POGLUT3: variants seen among roughly 807,000 people sequenced by gnomAD.
POGLUT3 encodes protein O-glucosyltransferase 3.
A neutral mutation model predicts 54.3 loss-of-function variants in POGLUT3; 48 were observed. The observed-to-expected ratio is 0.88, with a 90% CI of 0.70 to 1.12. POGLUT3 has a LOEUF of 1.12. Among genes scored for constraint, POGLUT3 ranks in the 50% most tolerant of loss-of-function variants. POGLUT3 has a pLI of 0.00. For missense variants in POGLUT3, 629 were observed against 618.7 expected, an observed-to-expected ratio of 1.02 and a Z score of -0.18; for synonymous variants, 218 against 237.4, an observed-to-expected ratio of 0.92 and a Z score of 0.75.
chr11:108,486,446 G>A lies in POGLUT3; in HGVS notation c.401-6C>T. The A allele has an allele frequency of 6.2e-7, 1 of 1,609,942 alleles. No homozygotes were observed. Among genetic ancestry groups the A allele is most frequent in the Non-Finnish European group, 8.5e-7 (1 of 1,177,028 alleles). On this transcript the variant is annotated splice_region_variant and splice_polypyrimidine_tract_variant and intron_variant, in intron 2 of 7. Transcript: ENST00000323468. ...GTACTCATGGTACACTGGTCCTAGG[G>A]AAGGAAAACATGAAAAAGGCCGCAC...
intron 3 of POGLUT3, 44 bp from the exon 4 acceptor site, chr11:108,482,266 G>T: frequency 7.2e-7 from 1 of 1,396,102 alleles, no homozygotes; most frequent in Non-Finnish European, 1.0e-6. Context: ...GAAGATCTCA[G>T]TCTTTGGTAC....
At chr11:108,483,490 T>C (rs1236826594) in intron 3 of POGLUT3, among the ~76,000 whole-genome samples, 1 of 152,148 alleles carries the variant, frequency 6.6e-6, no homozygotes, top group East Asian at 1.9e-4. Flanking sequence ...TATTTGTTTG[T>C]ATTCACATCC....
intron 3 of POGLUT3, among the ~76,000 whole-genome samples, chr11:108,485,145 G>GAA (rs34193498): frequency 6.8e-6 from 1 of 146,848 alleles, no homozygotes; most frequent in African/African-American, 2.5e-5. Context: ...ATGCACTGGT[G>GAA]AAAAAAAAAA....
In POGLUT3 at chr11:108,474,784, T is replaced by TA; in HGVS notation, c.*42dup. On this transcript the variant is annotated 3_prime_UTR_variant, in exon 8 of 8. Coordinates refer to ENST00000323468, the MANE Select transcript of POGLUT3 (RefSeq NM_153705.5). ...TCACAGCTTAGATTCAATCTTTCCT[T>TA]AAAGTGTAGCCGGGATACACAGGAG... is the stretch of plus-strand genomic sequence containing the variant. The TA allele has an allele frequency of 6.3e-7, 1 of 1,577,784 alleles. No homozygotes were observed. Among genetic ancestry groups the TA allele is most frequent in the South Asian group, 1.1e-5 (1 of 88,662 alleles).
intron 1 of POGLUT3, 23 bp downstream of exon 1, chr11:108,498,138 CGAGG>C: frequency 1.3e-6 from 2 of 1,485,924 alleles, no homozygotes; most frequent in Non-Finnish European, 1.8e-6. Flanking sequence ...GGCCGCGGGA[CGAGG>C]GAGGCCGGCG....
Position 108,486,366 on chromosome 11 carries a change from T to C in POGLUT3, c.475A>G (p.Lys159Glu). ...AWQKTLSCPTKEPQIAKDFAS... is the reference protein window; with the variant it reads ...AWQKTLSCPTEEPQIAKDFAS... Reference sequence around the variant, plus strand: ...AAATCTTTTGCAATCTGTGGTTCCTTGGTTGGACAAGAAAGAGTCTTCTGC... The same window carrying C: ...AAATCTTTTGCAATCTGTGGTTCCTCGGTTGGACAAGAAAGAGTCTTCTGC... Residue 159 changes from lysine (K) to glutamate (E), a missense_variant, in exon 3 of 8, where the codon AAG (lysine) becomes GAG (glutamate). Coordinates refer to ENST00000323468, the MANE Select transcript of POGLUT3 (RefSeq NM_153705.5). 1 of 1,614,152 alleles carries C rather than the reference T, an allele frequency of 6.2e-7. No individual in the cohort carries two copies. The highest frequency in any genetic ancestry group is 8.5e-7 in the Non-Finnish European group (1 of 1,180,028).
At chr11:108,488,896 C>T (rs1591644248) in intron 2 of POGLUT3, among the ~76,000 whole-genome samples, 2 of 152,226 alleles carry the variant, frequency 1.3e-5, no homozygotes, top group East Asian at 3.9e-4. Context: ...GGAAAGCCTC[C>T]TAATTCACAG....
chr11:108,474,984 T>C (rs1444841937), intron 7 of POGLUT3, 32 bp from the exon 8 acceptor site: 1 of 1,611,120 alleles, frequency 6.2e-7, no homozygotes, highest in Non-Finnish European at 8.5e-7. Flanking sequence ...AACTGAAAGG[T>C]TAGTTCACAC....
Position 108,474,916 on chromosome 11 carries a change from G to A in POGLUT3, c.1435C>T (p.Arg479Cys), listed in dbSNP as rs377123293. Residue 479 changes from arginine (R) to cysteine (C), a missense_variant, in exon 8 of 8, where the codon CGT becomes TGT. Physicochemically the swap from Arg to Cys is radical, Grantham distance 180. Transcript: ENST00000323468. ...AERQSSKPEV[R>C]DGMELVPQPE... ...TGAGGAACAAGTTCCATTCCATCACGTACTTCGGGTTTGCTGGACTGGCGC... is the reference window on the plus strand; with the variant it reads ...TGAGGAACAAGTTCCATTCCATCACATACTTCGGGTTTGCTGGACTGGCGC... The A allele has an allele frequency of 1.6e-4, 255 of 1,613,802 alleles. No homozygotes were observed. The highest frequency in any genetic ancestry group is 1.9e-4 in the Non-Finnish European group (229 of 1,179,912).
At chr11:108,478,251 G>C (rs1244611008) in intron 6 of POGLUT3, 1 of 152,916 alleles carries the variant, frequency 6.5e-6, no homozygotes, top group Non-Finnish European at 1.5e-5. Flanking sequence ...CCGTTAAAGA[G>C]AAACGATCAC....
intron 3 of POGLUT3, among the ~76,000 whole-genome samples, chr11:108,485,306 CAGG>C (rs1055827485): frequency 6.6e-5 from 10 of 152,070 alleles, no homozygotes; most frequent in African/African-American, 2.4e-4. Context: ...GAAATCTAAG[CAGG>C]AGTAGTATTC....
chr11:108,479,844 AT>A (rs1565746429), intron 5 of POGLUT3, among the ~76,000 whole-genome samples: 1 of 151,884 alleles, frequency 6.6e-6, no homozygotes, highest in Admixed American at 6.6e-5. Flanking sequence ...TATTATTATT[AT>A]TTTTTTGAGA....
chr11:108,481,883 G>C lies in POGLUT3; in HGVS notation c.901+123C>G, dbSNP rs557670514. On this transcript the variant is annotated intron_variant, in intron 4 of 7. Transcript: ENST00000323468. ...AACATCCACAAATCTTTAATCCCTA[G>C]GTTGGTCAGAATTTTCAGTACAAGA... The C allele has an allele frequency of 1.9e-3, 1,346 of 705,998 alleles. 2 individuals are homozygous for C. The highest frequency in any genetic ancestry group is 2.6e-3 in the Non-Finnish European group (1,104 of 428,574). 43.7% of individuals were successfully genotyped at this position (705,998 alleles called of 1,614,324 possible). A position where few individuals can be genotyped will look rare whatever the true frequency, so the allele number is the denominator to read the frequency against.
intron 6 of POGLUT3, among the ~76,000 whole-genome samples, chr11:108,478,917 C>T (rs1330359994): frequency 6.6e-6 from 1 of 152,156 alleles, no homozygotes; most frequent in East Asian, 1.9e-4. Flanking sequence ...AGAATTTGTG[C>T]CTTTTTTCTA....
At chr11:108,487,437 C>T (rs1274600554) in intron 2 of POGLUT3, among the ~76,000 whole-genome samples, 3 of 152,174 alleles carry the variant, frequency 2.0e-5, no homozygotes, top group Admixed American at 1.3e-4. Context: ...ACAATTCCTA[C>T]AGCTTACTGC....
At chr11:108,487,062 A>C (rs60111445) in intron 2 of POGLUT3, 2 of 152,298 alleles carry the variant, frequency 1.3e-5, no homozygotes, top group African/African-American at 4.8e-5. Flanking sequence ...GCATGATAAA[A>C]TCTTGGTTTC....
In POGLUT3 at chr11:108,482,120, ACC is replaced by A. The variant is rs767924580; in HGVS notation, c.785_786del (p.Trp262LeufsTer15). 1 of 1,614,122 alleles carries A rather than the reference ACC, an allele frequency of 6.2e-7. No homozygotes were observed. The highest frequency in any genetic ancestry group is 2.2e-5 in the East Asian group (1 of 44,888). ...ACATCTCTTGAATCCAGAGAGCCAC[ACC>A]ATGAAATGATAGGTATGGGGCTAGG... ...GTPSPIPIIS[W>X]CGSLDSRDVV... On this transcript the variant is annotated frameshift_variant, in exon 4 of 8. Transcript: ENST00000323468. LOFTEE classifies it high-confidence loss of function.
At position 108,474,867 on chromosome 11, in the gene POGLUT3, C is replaced by G. The variant is rs1251624254; in HGVS notation, c.1484G>C (p.Cys495Ser). 2.5e-6 allele frequency: 4 copies of G among 1,614,120 alleles called. No homozygotes were observed. The highest frequency in any genetic ancestry group is 3.4e-6 in the Non-Finnish European group (4 of 1,179,988). The change falls in exon 8 of 8, where the codon TGC becomes TCC. Residue 495 changes from cysteine to serine, a missense_variant. By Grantham distance (112) the Cys-to-Ser change is moderately radical. Transcript: ENST00000323468. The part of the protein sequence containing the change: ...VPQPEDSTAI[C>S]QCHRKKPSRE... ...TGAAGGCTTTTTCCTGTGGCACTGG[C>G]AGATGGCTGTGCTATCTTCTGGCTG...
chr11:108,498,311 GC>G lies in POGLUT3; in HGVS notation c.55del (p.Ala19ProfsTer57). Reference protein sequence around the residue: ...LLQLRLALLVAAGAPEVLVSA... With the variant: ...LLQLRLALLVXAGAPEVLVSA... ...GACCAGCACCTCCGGGGCCCCCGCGGCCACCAGCAGGGCGAGGCGCAGCTGC... is the reference window on the plus strand; with the variant it reads ...GACCAGCACCTCCGGGGCCCCCGCGGCACCAGCAGGGCGAGGCGCAGCTGC... On this transcript the variant is annotated frameshift_variant, in exon 1 of 8. Transcript: ENST00000323468. LOFTEE classifies it high-confidence loss of function. 1 of 1,445,962 alleles carries G rather than the reference GC, an allele frequency of 6.9e-7. No homozygotes were observed. The highest frequency in any genetic ancestry group is 1.4e-5 in the South Asian group (1 of 71,314). The allele number at this position is 1,445,962 out of a possible 1,614,324, so 89.6% of individuals were successfully genotyped here. A position where few individuals can be genotyped will look rare whatever the true frequency, so the allele number is the denominator to read the frequency against.
Sources: gnomAD v4.1 joint callset for allele counts (sites outside exome capture counted in the v4.1 genomes callset) on GRCh38, gnomAD v4.1.1 for gene constraint, MANE v1.5 for transcripts, NCBI Gene and HGNC (gene_info 2026-07-23, HGNC 2026-07-21) for gene names.